PLCB1: variants seen among roughly 807,000 people sequenced by gnomAD.
PLCB1 encodes phospholipase C beta 1, also known as 1-phosphatidylinositol 4,5-bisphosphate phosphodiesterase beta-1.
In PLCB1, 46 loss-of-function variants were observed where a neutral mutation model predicts 161.8. That is an observed-to-expected ratio of 0.28 (90% CI 0.22 to 0.36). The LOEUF (loss-of-function observed/expected upper bound fraction) is 0.36. Among genes scored for constraint, PLCB1 ranks in the 10% least tolerant of loss-of-function variants. The probability of loss-of-function intolerance (pLI) is 1.00; values close to 1 mark genes in which losing one functional copy is unlikely to be tolerated. For missense variants in PLCB1, 1,016 were observed against 1,472.5 expected (o/e 0.69, Z 5.07); for synonymous variants, 517 against 503.7 (o/e 1.03, Z -0.35).
intron 3 of PLCB1, among the ~76,000 whole-genome samples, chr20:8,616,688 G>C (rs1311145818): frequency 6.6e-6 from 1 of 152,132 alleles, no homozygotes; most frequent in Non-Finnish European, 1.5e-5. Context: ...ATGCCCCCAA[G>C]CACAAGGAAA....
intron 2 of PLCB1, among the ~76,000 whole-genome samples, chr20:8,221,118 C>G (rs996958262): frequency 5.3e-5 from 8 of 152,104 alleles, no homozygotes; most frequent in Non-Finnish European, 8.8e-5. Context: ...TGAATATATG[C>G]ATACATATAT....
At chr20:8,629,875 TTCTCTCTC>T (rs35542041) in intron 4 of PLCB1, among the ~76,000 whole-genome samples, 13 of 83,530 alleles carry the variant, frequency 1.6e-4, no homozygotes, top group African/African-American at 4.8e-4. Flanking sequence ...CTTTCTTTCT[TTCTCTCTC>T]TCTTTCTTTT....
At chr20:8,581,636 A>C (rs1986836311) in intron 3 of PLCB1, among the ~76,000 whole-genome samples, 1 of 152,200 alleles carries the variant, frequency 6.6e-6, no homozygotes, top group Admixed American at 6.5e-5. Context: ...GTGACTCACT[A>C]TCCAGGTTTG....
intron 3 of PLCB1, among the ~76,000 whole-genome samples, chr20:8,427,463 G>T (rs1979835117): frequency 6.6e-6 from 1 of 152,192 alleles, no homozygotes; most frequent in South Asian, 2.1e-4. Flanking sequence ...GCTTTGCTGG[G>T]AGTTGCCTGG....
At chr20:8,584,754 G>A (rs1019333892) in intron 3 of PLCB1, among the ~76,000 whole-genome samples, 7 of 152,036 alleles carry the variant, frequency 4.6e-5, no homozygotes, top group Middle Eastern at 3.4e-3. Flanking sequence ...GCAATGGCAC[G>A]ATCTCGGCTC....
chr20:8,580,867 T>C (rs1261165756), intron 3 of PLCB1, among the ~76,000 whole-genome samples: 3 of 152,198 alleles, frequency 2.0e-5, no homozygotes, highest in Non-Finnish European at 2.9e-5. Flanking sequence ...TAGGTGACAC[T>C]TCGGGCAAAG....
intron 2 of PLCB1, among the ~76,000 whole-genome samples, chr20:8,247,707 A>AT (rs1290310956): frequency 6.6e-6 from 1 of 151,680 alleles, no homozygotes; most frequent in Non-Finnish European, 1.5e-5. Flanking sequence ...AATGCTCAAT[A>AT]TTTTTTTACT....
chr20:8,178,996 C>CT (rs1344170840), intron 2 of PLCB1, among the ~76,000 whole-genome samples: 4 of 152,116 alleles, frequency 2.6e-5, no homozygotes, highest in Non-Finnish European at 5.9e-5. Flanking sequence ...GTCTACGTGT[C>CT]TATTTTGTAA....
chr20:8,844,635 C>T (rs1600376529), intron 31 of PLCB1, among the ~76,000 whole-genome samples: 1 of 152,124 alleles, frequency 6.6e-6, no homozygotes, highest in Non-Finnish European at 1.5e-5. Context: ...CCTCAGGTCT[C>T]AAGCCCTGTA....
chr20:8,191,601 A>G (rs1187903824), intron 2 of PLCB1, among the ~76,000 whole-genome samples: 1 of 152,074 alleles, frequency 6.6e-6, no homozygotes, highest in African/African-American at 2.4e-5. Flanking sequence ...AATATGTTAT[A>G]TAGAGAGAAA....
intron 3 of PLCB1, among the ~76,000 whole-genome samples, chr20:8,550,998 C>A (rs960442667): frequency 3.3e-5 from 5 of 152,152 alleles, no homozygotes; most frequent in African/African-American, 4.8e-5. Context: ...GACATTGTAT[C>A]CAATAATGTC....
chr20:8,836,786 G>A (rs1452895372), intron 31 of PLCB1, among the ~76,000 whole-genome samples: 5 of 152,106 alleles, frequency 3.3e-5, no homozygotes, highest in East Asian at 1.9e-4. Context: ...TATTGTCATC[G>A]AACAAAGAAT....
chr20:8,798,530 G>T (rs1380120519), intron 31 of PLCB1, among the ~76,000 whole-genome samples: 1 of 151,898 alleles, frequency 6.6e-6, no homozygotes, highest in Non-Finnish European at 1.5e-5. Context: ...AGAGTAACCA[G>T]CAGAAGCTGA....
chr20:8,361,196 T>A (rs1261557529), intron 2 of PLCB1, among the ~76,000 whole-genome samples: 3 of 152,238 alleles, frequency 2.0e-5, no homozygotes, highest in Non-Finnish European at 4.4e-5. Flanking sequence ...TGGAAATTGC[T>A]GCTTTAATCT....
At chr20:8,758,344 G>T (rs6086581) in intron 24 of PLCB1, among the ~76,000 whole-genome samples, 49,338 of 151,686 alleles carry the variant, frequency 0.33, 8,568 homozygotes, top group East Asian at 0.5. Context: ...ACTTTGGAAG[G>T]TTGAGGCAGG....
intron 31 of PLCB1, among the ~76,000 whole-genome samples, chr20:8,811,188 C>T (rs970122405): frequency 1.3e-5 from 2 of 152,116 alleles, no homozygotes; most frequent in African/African-American, 2.4e-5. Context: ...CATTATTGGC[C>T]TTGATCTTAA....
intron 3 of PLCB1, among the ~76,000 whole-genome samples, chr20:8,391,839 A>G (rs1265939726): frequency 6.9e-6 from 1 of 145,604 alleles, no homozygotes; most frequent in Non-Finnish European, 1.5e-5. Context: ...ACACATATAT[A>G]TATATTACTT....
intron 3 of PLCB1, among the ~76,000 whole-genome samples, chr20:8,558,690 G>C (rs967522929): frequency 6.6e-6 from 1 of 151,936 alleles, no homozygotes. Flanking sequence ...ATTAGCAAGA[G>C]AGTTGCAATT....
At chr20:8,358,634 T>C (rs1986441773) in intron 2 of PLCB1, among the ~76,000 whole-genome samples, 1 of 152,200 alleles carries the variant, frequency 6.6e-6, no homozygotes. Flanking sequence ...TTTTGATATG[T>C]AACAGAAAAA....
Sources: gnomAD v4.1 joint callset for allele counts (sites outside exome capture counted in the v4.1 genomes callset) on GRCh38, gnomAD v4.1.1 for gene constraint, MANE v1.5 for transcripts, NCBI Gene and HGNC (gene_info 2026-07-23, HGNC 2026-07-21) for gene names.